Variants in SNW1 observed in about 807,000 individuals in gnomAD.
SNW1 encodes the protein SNW domain containing 1.
SNW1 carries 9 observed loss-of-function variants against 75.6 expected under a neutral mutation model. The observed-to-expected ratio is 0.12, with a 90% CI of 0.07 to 0.21. The LOEUF is 0.21. SNW1 is among the 10% of genes least tolerant of loss of function. The pLI is 1.00. For missense variants in SNW1, 409 were observed against 670.9 expected (o/e 0.61, Z 4.31); for synonymous variants, 200 against 219.1 (o/e 0.91, Z 0.77).
At chr14:77,755,344 C>A (rs1407307706) in intron 1 of SNW1, among the ~76,000 whole-genome samples, 15 of 152,146 alleles carry the variant, frequency 9.9e-5, no homozygotes, top group Non-Finnish European at 1.5e-4. Context: ...ACTAGGACAA[C>A]AGCAAATGAT....
chr14:77,749,060 T>C (rs1426575468), intron 3 of SNW1, among the ~76,000 whole-genome samples: 2 of 152,188 alleles, frequency 1.3e-5, no homozygotes, highest in African/African-American at 2.4e-5. Flanking sequence ...AGTAGCACTT[T>C]AGGGAAATCT....
intron 3 of SNW1, among the ~76,000 whole-genome samples, chr14:77,749,902 G>C (rs1345736173): frequency 6.6e-6 from 1 of 151,864 alleles, no homozygotes; most frequent in African/African-American, 2.4e-5. Context: ...GAATACATAT[G>C]GCAAGATCAG....
At chr14:77,753,659 T>TA (rs1377144507) in intron 2 of SNW1, among the ~76,000 whole-genome samples, 5 of 151,998 alleles carry the variant, frequency 3.3e-5, no homozygotes. Flanking sequence ...TAAACTCTAA[T>TA]AAAGAGTGTG....
Position 77,732,509 on chromosome 14 carries a change from T to C in SNW1, c.867A>G (p.Glu289=). The C allele has an allele frequency of 6.2e-7, 1 of 1,603,722 alleles. No homozygotes were observed. The part of the protein sequence containing the change: ...HINENFAKLA[E]ALYIADRKAR... Reference sequence around the variant, plus strand: ...CCTTCCGATCAGCAATGTAGAGGGCTTCTGCCAATTTGGCGAAATTTTCAT... The same window carrying C: ...CCTTCCGATCAGCAATGTAGAGGGCCTCTGCCAATTTGGCGAAATTTTCAT... Residue 289 remains glutamate, a synonymous_variant, in exon 9 of 14, where the codon GAA becomes GAG. Transcript: ENST00000261531.
chr14:77,729,577 C>T (rs184149676), intron 10 of SNW1, among the ~76,000 whole-genome samples: 7 of 152,222 alleles, frequency 4.6e-5, no homozygotes, highest in African/African-American at 1.4e-4. Context: ...CTCATTTATG[C>T]AGGATGAGTA....
intron 3 of SNW1, among the ~76,000 whole-genome samples, chr14:77,740,396 A>G (rs1246563121): frequency 6.6e-6 from 1 of 152,120 alleles, no homozygotes; most frequent in Non-Finnish European, 1.5e-5. Flanking sequence ...AAGGAAATGC[A>G]TGCTATTTCT....
intron 10 of SNW1, among the ~76,000 whole-genome samples, chr14:77,729,308 G>A (rs1225781309): frequency 6.6e-6 from 1 of 152,104 alleles, no homozygotes; most frequent in Non-Finnish European, 1.5e-5. Context: ...AACTGCTTAG[G>A]ATAAAAGTTC....
intron 8 of SNW1, 133 bp downstream of exon 8, chr14:77,734,814 A>G: frequency 1.5e-6 from 1 of 665,050 alleles, no homozygotes; most frequent in Non-Finnish European, 2.7e-6. Context: ...AAGTCACCAA[A>G]TTGGGCATTC....
chr14:77,736,118 G>A, intron 6 of SNW1, 112 bp from the exon 7 acceptor site: 3 of 720,054 alleles, frequency 4.2e-6, no homozygotes, highest in Middle Eastern at 5.1e-4. Flanking sequence ...GACAAAAACA[G>A]AGACTGTATA....
chr14:77,719,619 C>T (rs571159609), intron 12 of SNW1, among the ~76,000 whole-genome samples: 6 of 150,166 alleles, frequency 4.0e-5, no homozygotes, highest in Non-Finnish European at 4.4e-5. Context: ...CCAGCCTGGG[C>T]GACAGAGTGG....
chr14:77,742,964 G>A (rs2080729729), intron 3 of SNW1, among the ~76,000 whole-genome samples: 1 of 151,872 alleles, frequency 6.6e-6, no homozygotes, highest in Admixed American at 6.6e-5. Context: ...GGTGGCTCAT[G>A]CCTGTAATCC....
chr14:77,751,566 G>A (rs2139929933), intron 2 of SNW1, 86 bp from the exon 3 acceptor site: 10 of 1,060,548 alleles, frequency 9.4e-6, no homozygotes, highest in South Asian at 1.7e-5. Context: ...TAATTGTTGA[G>A]TCCTTAGTAT....
At chr14:77,720,925 AAT>A in intron 11 of SNW1, 97 bp from the exon 12 acceptor site, 2 of 770,796 alleles carry the variant, frequency 2.6e-6, no homozygotes, top group Non-Finnish European at 4.5e-6. Context: ...AAAGGATGTG[AAT>A]ATGTCACATT....
chr14:77,717,871 G>A lies in SNW1; in HGVS notation c.*217C>T. 2 of 547,068 alleles carry A rather than the reference G, an allele frequency of 3.7e-6. No homozygotes were observed. The highest frequency in any genetic ancestry group is 6.4e-6 in the Non-Finnish European group (2 of 313,528). 33.9% of individuals were successfully genotyped at this position (547,068 alleles called of 1,614,324 possible). A position where few individuals can be genotyped will look rare whatever the true frequency, so the allele number is the denominator to read the frequency against. On this transcript the variant is annotated 3_prime_UTR_variant, in exon 14 of 14. Transcript: ENST00000261531. ...GCAGCATGTTCTATAAATGCTGAAA[G>A]GTGGGAGAAGCACAAACACAACCCA...
intron 3 of SNW1, among the ~76,000 whole-genome samples, chr14:77,744,952 C>A (rs183008651): frequency 6.6e-6 from 1 of 152,154 alleles, no homozygotes; most frequent in Non-Finnish European, 1.5e-5. Flanking sequence ...GACTACACTT[C>A]CTCACTGGCT....
At chr14:77,723,504 C>T (rs1451980740) in intron 10 of SNW1, among the ~76,000 whole-genome samples, 1 of 152,116 alleles carries the variant, frequency 6.6e-6, no homozygotes, top group South Asian at 2.1e-4. Flanking sequence ...TGTGTGCCAC[C>T]ATGCCTGGCT....
chr14:77,733,359 G>A (rs1015059106), intron 8 of SNW1, among the ~76,000 whole-genome samples: 5 of 152,122 alleles, frequency 3.3e-5, no homozygotes, highest in African/African-American at 1.2e-4. Context: ...AACAAAGGTA[G>A]AATCACTATA....
intron 9 of SNW1, among the ~76,000 whole-genome samples, chr14:77,731,885 C>T (rs958713292): frequency 6.6e-6 from 1 of 152,130 alleles, no homozygotes; most frequent in Admixed American, 6.6e-5. Context: ...ATTACAGGTG[C>T]ATGCCACATC....
intron 3 of SNW1, among the ~76,000 whole-genome samples, chr14:77,749,772 A>C (rs1411017890): frequency 6.6e-6 from 1 of 152,238 alleles, no homozygotes; most frequent in East Asian, 1.9e-4. Flanking sequence ...ATGACAAGAA[A>C]AACAAGCACA....
Sources: allele counts gnomAD v4.1 joint callset (sites outside exome capture counted in the v4.1 genomes callset), GRCh38; gene constraint gnomAD v4.1.1; transcripts MANE v1.5; gene names NCBI Gene and HGNC (gene_info 2026-07-23, HGNC 2026-07-21).